The following LDB2 variants were observed in gnomAD, a reference collection of about 807,000 sequenced individuals.
LDB2 encodes LIM domain binding 2.
LDB2 carries 12 observed loss-of-function variants against 44.3 expected under a neutral mutation model. The ratio of observed to expected loss-of-function variants is 0.27; its 90% CI spans 0.17 to 0.44. The LOEUF is 0.44. Among genes scored for constraint, LDB2 ranks in the 20% least tolerant of loss-of-function variants. LDB2 has a pLI of 1.00. For synonymous variants in LDB2, 164 were observed against 174.8 expected (o/e 0.94, Z 0.49); for missense variants, 344 against 473.5 (o/e 0.73, Z 2.54).
At position 16,763,204 on chromosome 4, in the gene LDB2, G is replaced by A. The variant is rs76246315; in HGVS notation, c.133-3944C>T. Among the ~76,000 whole-genome samples the A allele has an allele frequency of 1.2e-3, 183 of 151,518 alleles. 7 individuals are homozygous for A. In the East Asian group the frequency reaches 0.023, roughly 19 times the overall value. Reference sequence around the variant, plus strand: ...AGTTCATAGTGCCAGGCATATAATAGGTAGATAAGATAATATTTTTGTTTG... The same window carrying A: ...AGTTCATAGTGCCAGGCATATAATAAGTAGATAAGATAATATTTTTGTTTG... On this transcript the variant is annotated intron_variant, in intron 1 of 7. Coordinates refer to ENST00000304523, the MANE Select transcript of LDB2 (RefSeq NM_001290.5).
intron 2 of LDB2, among the ~76,000 whole-genome samples, chr4:16,629,432 G>A (rs1731246839): frequency 6.6e-6 from 1 of 152,110 alleles, no homozygotes; most frequent in Admixed American, 6.5e-5. Flanking sequence ...TCCAGAGGAA[G>A]GATCAGACAA....
At chr4:16,741,969 C>G (rs1763349524) in intron 2 of LDB2, among the ~76,000 whole-genome samples, 1 of 152,044 alleles carries the variant, frequency 6.6e-6, no homozygotes, top group Admixed American at 6.5e-5. Flanking sequence ...GTAGATTGAG[C>G]AACACAGCAG....
At chr4:16,665,772 G>T (rs1343260682) in intron 2 of LDB2, among the ~76,000 whole-genome samples, 1 of 152,188 alleles carries the variant, frequency 6.6e-6, no homozygotes, top group Non-Finnish European at 1.5e-5. Flanking sequence ...AAAAAAAGGG[G>T]TGTCTGAAGA....
At chr4:16,741,384 G>A (rs1317173233) in intron 2 of LDB2, 1 of 152,210 alleles carries the variant, frequency 6.6e-6, no homozygotes, top group East Asian at 1.9e-4. Flanking sequence ...TCTCCAGAGA[G>A]GTCCCAGCTG....
intron 1 of LDB2, among the ~76,000 whole-genome samples, chr4:16,878,071 A>G (rs1718954578): frequency 6.6e-6 from 1 of 152,228 alleles, no homozygotes; most frequent in South Asian, 2.1e-4. Flanking sequence ...ACAAACTTGG[A>G]GTAATGAAGA....
chr4:16,835,854 A>G (rs1784805572), intron 1 of LDB2, among the ~76,000 whole-genome samples: 1 of 152,172 alleles, frequency 6.6e-6, no homozygotes, highest in South Asian at 2.1e-4. Context: ...CCGAGGTGGG[A>G]ACTCTCCTTC....
At chr4:16,880,487 C>T (rs1488349398) in intron 1 of LDB2, among the ~76,000 whole-genome samples, 2 of 152,156 alleles carry the variant, frequency 1.3e-5, no homozygotes, top group Non-Finnish European at 2.9e-5. Flanking sequence ...TGTCCCATAG[C>T]CTTCTGTGCC....
chr4:16,665,423 A>G (rs1810018), intron 2 of LDB2, among the ~76,000 whole-genome samples: 149,484 of 152,058 alleles, frequency 0.98, 73,530 homozygotes, highest in Middle Eastern at 1. Flanking sequence ...GTCCCACCAC[A>G]CCCGACTAAG....
At chr4:16,714,847 C>T (rs543121745) in intron 2 of LDB2, among the ~76,000 whole-genome samples, 74 of 152,132 alleles carry the variant, frequency 4.9e-4, no homozygotes, top group African/African-American at 1.7e-3. Flanking sequence ...TGGTCTTCCC[C>T]TTCATGCCAC....
At chr4:16,736,768 G>A (rs1430828567) in intron 2 of LDB2, among the ~76,000 whole-genome samples, 1 of 151,994 alleles carries the variant, frequency 6.6e-6, no homozygotes, top group Non-Finnish European at 1.5e-5. Context: ...TTTGTTTATA[G>A]GAGGTAACAT....
At chr4:16,890,389 T>C (rs1483292943) in intron 1 of LDB2, among the ~76,000 whole-genome samples, 1 of 152,082 alleles carries the variant, frequency 6.6e-6, no homozygotes, top group East Asian at 1.9e-4. Flanking sequence ...CCGTCCTGAT[T>C]CCAAAAAGAG....
intron 5 of LDB2, among the ~76,000 whole-genome samples, chr4:16,551,194 T>C (rs1355934475): frequency 3.3e-5 from 5 of 152,186 alleles, no homozygotes; most frequent in Non-Finnish European, 5.9e-5. Flanking sequence ...GGAGGGTCGA[T>C]TGAGGTTGTA....
At chr4:16,554,398 G>A (rs1738777977) in intron 5 of LDB2, among the ~76,000 whole-genome samples, 1 of 152,104 alleles carries the variant, frequency 6.6e-6, no homozygotes, top group African/African-American at 2.4e-5. Flanking sequence ...TTGCCACTGG[G>A]TGCCGCCATT....
intron 1 of LDB2, among the ~76,000 whole-genome samples, chr4:16,861,767 G>T (rs533104366): frequency 5.9e-5 from 9 of 152,146 alleles, no homozygotes; most frequent in Non-Finnish European, 1.0e-4. Flanking sequence ...ACAGACAGCC[G>T]CAGACAAACT....
rs1374977369 is a variant in LDB2 at position 16,525,955 on chromosome 4, A to G, written c.616-13851T>C. Among the ~76,000 whole-genome samples, 3 of 152,348 alleles carry G rather than the reference A, an allele frequency of 2.0e-5. No homozygotes were observed. In the East Asian group the frequency reaches 5.8e-4, roughly 29 times the overall value. On this transcript the variant is annotated intron_variant, in intron 5 of 7. Coordinates refer to ENST00000304523, the MANE Select transcript of LDB2 (RefSeq NM_001290.5). ...CATAGGGAATTACAGCCGCTAATCA[A>G]CTGCCCTTGAGATCCAGAGAGGAGC...
intron 1 of LDB2, among the ~76,000 whole-genome samples, chr4:16,773,013 T>A (rs941602581): frequency 6.6e-6 from 1 of 152,180 alleles, no homozygotes; most frequent in Non-Finnish European, 1.5e-5. Flanking sequence ...TTGAGAAGAA[T>A]TATTTGATGA....
At chr4:16,810,852 T>G (rs1779710765) in intron 1 of LDB2, among the ~76,000 whole-genome samples, 1 of 152,198 alleles carries the variant, frequency 6.6e-6, no homozygotes, top group Admixed American at 6.5e-5. Flanking sequence ...CTTAAACTTT[T>G]CAGTCTACTC....
chr4:16,856,877 T>C (rs1789460737), intron 1 of LDB2, among the ~76,000 whole-genome samples: 1 of 152,220 alleles, frequency 6.6e-6, no homozygotes, highest in South Asian at 2.1e-4. Flanking sequence ...TGTAGCATTA[T>C]TTTGTACAGC....
chr4:16,796,571 C>G (rs1301462161), intron 1 of LDB2, among the ~76,000 whole-genome samples: 1 of 151,960 alleles, frequency 6.6e-6, no homozygotes, highest in Non-Finnish European at 1.5e-5. Context: ...ATGTAGACAC[C>G]CCCCTTGCAA....
Sources: allele counts gnomAD v4.1 joint callset (sites outside exome capture counted in the v4.1 genomes callset), GRCh38; gene constraint gnomAD v4.1.1; transcripts MANE v1.5; gene names NCBI Gene and HGNC (gene_info 2026-07-23, HGNC 2026-07-21).